Variants in STARD13 observed in about 807,000 individuals in gnomAD.
The protein encoded by STARD13 is StAR related lipid transfer domain containing 13, also known as stAR-related lipid transfer protein 13.
Under a neutral mutation model 106.4 loss-of-function variants are expected in STARD13, and 62 were observed. The ratio of observed to expected loss-of-function variants is 0.58; its 90% CI spans 0.48 to 0.72. The LOEUF (loss-of-function observed/expected upper bound fraction) is 0.72. Among genes scored for constraint, STARD13 ranks in the 30% least tolerant of loss-of-function variants. The probability of loss-of-function intolerance (pLI) is 0.00; values close to 1 mark genes in which losing one functional copy is unlikely to be tolerated. For missense variants in STARD13, 1,387 were observed against 1,424.0 expected (o/e 0.97, Z 0.42); for synonymous variants, 565 against 553.0 (o/e 1.02, Z -0.31).
At chr13:33,544,495 T>G in the STARD13 span, among the ~76,000 whole-genome samples, 5 of 152,254 alleles carry the variant, frequency 3.3e-5, no homozygotes, top group Admixed American at 3.3e-4. Context: ...TAAGTTTATG[T>G]TTATGATAAT....
chr13:33,136,924 G>A (rs1012050408), intron 4 of STARD13, among the ~76,000 whole-genome samples: 4 of 152,234 alleles, frequency 2.6e-5, no homozygotes, highest in African/African-American at 7.2e-5. Flanking sequence ...GGTCAGCCAG[G>A]GAGCCACAGG....
the STARD13 span, chr13:33,359,678 AT>A: frequency 6.5e-6 from 1 of 152,804 alleles, no homozygotes; most frequent in East Asian, 1.9e-4. Flanking sequence ...AAAAAAAAAA[AT>A]CTAGTCTCAT....
At chr13:33,251,432 A>G (rs1007668648) in intron 1 of STARD13, among the ~76,000 whole-genome samples, 5 of 152,346 alleles carry the variant, frequency 3.3e-5, no homozygotes, top group African/African-American at 1.2e-4. Context: ...CTGCCAGGTT[A>G]GGATGATTCA....
intron 1 of STARD13, among the ~76,000 whole-genome samples, chr13:33,209,614 C>T (rs750791872): frequency 7.9e-5 from 12 of 152,018 alleles, no homozygotes; most frequent in East Asian, 1.9e-4. Context: ...AGTGAGGGAC[C>T]GATATTTCAA....
the STARD13 span, among the ~76,000 whole-genome samples, chr13:33,542,382 C>T: frequency 3.3e-5 from 5 of 152,222 alleles, no homozygotes; most frequent in Non-Finnish European, 7.3e-5. Flanking sequence ...TTCCATAAAG[C>T]CTTCCAGAAA....
At chr13:33,210,170 T>C (rs1887642294) in intron 1 of STARD13, among the ~76,000 whole-genome samples, 1 of 152,172 alleles carries the variant, frequency 6.6e-6, no homozygotes, top group African/African-American at 2.4e-5. Flanking sequence ...GCCAGGTCTA[T>C]TAAACATCAG....
chr13:33,616,961 C>T, the STARD13 span, among the ~76,000 whole-genome samples: 2 of 152,050 alleles, frequency 1.3e-5, no homozygotes, highest in South Asian at 2.1e-4. Context: ...GGGTAGGGAG[C>T]GTCCCTAAGG....
chr13:33,550,634 A>C, the STARD13 span, among the ~76,000 whole-genome samples: 2 of 152,326 alleles, frequency 1.3e-5, no homozygotes, highest in African/African-American at 4.8e-5. Flanking sequence ...AAATTTATGC[A>C]ACTAGCCTGT....
the STARD13 span, among the ~76,000 whole-genome samples, chr13:33,499,532 T>C: frequency 5.9e-4 from 24 of 40,376 alleles, 1 homozygote; most frequent in Non-Finnish European, 8.1e-4. Context: ...CTTCTTCTTC[T>C]TCTTCTTCTT....
In STARD13 at chr13:33,115,755, C is replaced by T. The variant is rs1875278151; in HGVS notation, c.2281+2310G>A. On this transcript the variant is annotated intron_variant, in intron 8 of 13. Coordinates refer to ENST00000336934, the MANE Select transcript of STARD13 (RefSeq NM_178006.4). ...CTGAGAGCTTCTGTAAGATGTATGA[C>T]CCTGATAAAAAGAGACACATGGCCA... 2.6e-5 allele frequency among the ~76,000 whole-genome samples: 4 copies of T among 152,088 alleles called. No homozygotes were observed. In the South Asian group the frequency reaches 6.2e-4, roughly 24 times the overall value.
the STARD13 span, chr13:33,654,580 T>C: frequency 6.6e-6 from 1 of 152,204 alleles, no homozygotes; most frequent in Admixed American, 6.5e-5. Context: ...ATACTGAAAC[T>C]ACTGAATTGT....
At chr13:33,198,436 AC>A (rs1421852013) in intron 1 of STARD13, among the ~76,000 whole-genome samples, 3 of 151,560 alleles carry the variant, frequency 2.0e-5, no homozygotes, top group Non-Finnish European at 4.4e-5. Flanking sequence ...ATGTTTAGAG[AC>A]CCTGCCTAAA....
At chr13:33,340,738 G>A (rs1055451641) in intron 1 of STARD13, among the ~76,000 whole-genome samples, 6 of 152,226 alleles carry the variant, frequency 3.9e-5, no homozygotes, top group Non-Finnish European at 8.8e-5. Flanking sequence ...GCCTGAGAGT[G>A]TAAGATGTCT....
chr13:33,666,530 C>T, the STARD13 span, among the ~76,000 whole-genome samples: 1,565 of 152,136 alleles, frequency 0.01, 23 homozygotes, highest in African/African-American at 0.034. Context: ...CTCCTGACTT[C>T]GTGATCTGCC....
At chr13:33,429,940 C>A in the STARD13 span, among the ~76,000 whole-genome samples, 66 of 141,726 alleles carry the variant, frequency 4.7e-4, 2 homozygotes, top group South Asian at 1.3e-3. Context: ...GGGGGGGGGA[C>A]GGAGTCTCGC....
chr13:33,586,014 G>A, the STARD13 span, among the ~76,000 whole-genome samples: 1 of 152,188 alleles, frequency 6.6e-6, no homozygotes, highest in Non-Finnish European at 1.5e-5. Context: ...GGTGATGGTA[G>A]TGGATGCACA....
At chr13:33,621,818 T>C in the STARD13 span, among the ~76,000 whole-genome samples, 2 of 151,918 alleles carry the variant, frequency 1.3e-5, no homozygotes, top group African/African-American at 2.4e-5. Context: ...TTTTCTTTTT[T>C]TTTTGGACGA....
At chr13:33,126,873 T>C (rs915152254) in intron 6 of STARD13, among the ~76,000 whole-genome samples, 8 of 50,998 alleles carry the variant, frequency 1.6e-4, no homozygotes, top group Admixed American at 1.9e-4. Flanking sequence ...CACATTCAAG[T>C]TCTAACATGC....
the STARD13 span, among the ~76,000 whole-genome samples, chr13:33,612,985 T>G: frequency 6.6e-6 from 1 of 152,228 alleles, no homozygotes; most frequent in Admixed American, 6.5e-5. Context: ...TTTGAGCAAC[T>G]TCAAAGTTCA....
Sources: allele counts gnomAD v4.1 joint callset (sites outside exome capture counted in the v4.1 genomes callset), GRCh38; gene constraint gnomAD v4.1.1; transcripts MANE v1.5; gene names NCBI Gene and HGNC (gene_info 2026-07-23, HGNC 2026-07-21).